Variants in CLASP2 observed in about 807,000 individuals in gnomAD.
CLASP2 encodes the protein cytoplasmic linker associated protein 2, also known as CLIP-associating protein 2.
CLASP2 carries 47 observed loss-of-function variants against 194.4 expected under a neutral mutation model. The ratio of observed to expected loss-of-function variants is 0.24; its 90% confidence interval spans 0.19 to 0.31. The LOEUF (loss-of-function observed/expected upper bound fraction) is 0.31. Ranked by LOEUF, CLASP2 falls within the 10% of genes least tolerant of loss-of-function variation. The pLI is 1.00. For missense variants in CLASP2, 1,445 were observed against 1,823.6 expected, an observed-to-expected ratio of 0.79 and a Z score of 3.78; for synonymous variants, 619 against 633.5, an observed-to-expected ratio of 0.98 and a Z score of 0.34.
chr3:33,646,454 G>A (rs1473747604), intron 7 of CLASP2, among the ~76,000 whole-genome samples: 1 of 152,038 alleles, frequency 6.6e-6, no homozygotes, highest in Non-Finnish European at 1.5e-5. Flanking sequence ...AACCTATGCA[G>A]TACATAGACG....
chr3:33,687,600 T>C (rs563325542), intron 4 of CLASP2, among the ~76,000 whole-genome samples: 3 of 152,332 alleles, frequency 2.0e-5, no homozygotes, highest in Admixed American at 6.5e-5. Context: ...AGTACACTTA[T>C]AGGCTCTAGA....
intron 18 of CLASP2, among the ~76,000 whole-genome samples, chr3:33,601,773 C>T (rs2072278138): frequency 6.6e-6 from 1 of 152,130 alleles, no homozygotes; most frequent in Non-Finnish European, 1.5e-5. Context: ...AACCATGTGT[C>T]TAAACACAAT....
intron 29 of CLASP2, among the ~76,000 whole-genome samples, chr3:33,554,370 C>G (rs1273050446): frequency 6.6e-6 from 1 of 152,006 alleles, no homozygotes; most frequent in South Asian, 2.1e-4. Context: ...GAAGATGAAC[C>G]TGGAGGACAA....
intron 37 of CLASP2, among the ~76,000 whole-genome samples, chr3:33,508,052 T>G (rs943368481): frequency 6.6e-6 from 1 of 151,824 alleles, no homozygotes; most frequent in Admixed American, 6.6e-5. Flanking sequence ...TGGAATGCAG[T>G]GGCATGATCA....
chr3:33,687,096 T>C lies in CLASP2; in HGVS notation c.510A>G (p.Pro170=), dbSNP rs143967899. Residue 170 remains proline (P), a synonymous_variant, in exon 5 of 39, where the codon CCA becomes CCG. Transcript: ENST00000682230. ...AGTCTCCAAACAGGATACACAAATG[T>C]GGTATCAATTTGCTGATGACTAGTG... ...AQPLVISKLI[P]HLCILFGDSN... 0.021 allele frequency: 33,708 copies of C among 1,602,464 alleles called. 459 individuals carry two copies. The highest frequency in any genetic ancestry group is 0.045 in the Admixed American group (2,675 of 58,916).
intron 6 of CLASP2, among the ~76,000 whole-genome samples, chr3:33,673,720 TAGGCTCAA>T (rs1210847591): frequency 3.9e-5 from 6 of 152,064 alleles, no homozygotes; most frequent in African/African-American, 1.4e-4. Flanking sequence ...CAGACACACA[TAGGCTCAA>T]AATAAAAGGA....
At chr3:33,542,916 G>A (rs2058601423) in intron 32 of CLASP2, among the ~76,000 whole-genome samples, 1 of 151,948 alleles carries the variant, frequency 6.6e-6, no homozygotes, top group Non-Finnish European at 1.5e-5. Flanking sequence ...AAGGCTGTCA[G>A]GTTTTCTTTC....
At position 33,577,304 on chromosome 3, in the gene CLASP2, A is replaced by C. The variant is rs2065111607; in HGVS notation, c.2348-1029T>G. The C allele has an allele frequency of 2.6e-6, 4 of 1,518,140 alleles. No individual in the cohort carries two copies. In the African/African-American group the frequency reaches 5.5e-5, roughly 21 times the overall value. The allele number at this position is 1,518,140 out of a possible 1,614,324, so 94.0% of individuals were successfully genotyped here. On this transcript the variant is annotated intron_variant, in intron 23 of 38. Coordinates refer to ENST00000682230, the MANE Select transcript of CLASP2 (RefSeq NM_001365631.1). ...CCATACAAACCTCATCTATTACCAC[A>C]GAAACAAGGAATAGTGGCAGCACTA...
chr3:33,592,349 T>C, intron 21 of CLASP2, 46 bp downstream of exon 21: 3 of 1,312,544 alleles, frequency 2.3e-6, no homozygotes, highest in Non-Finnish European at 3.3e-6. Flanking sequence ...AACACACTTA[T>C]CCTAACATAG....
chr3:33,648,614 C>G (rs891782621), intron 7 of CLASP2, among the ~76,000 whole-genome samples: 1 of 152,124 alleles, frequency 6.6e-6, no homozygotes, highest in African/African-American at 2.4e-5. Flanking sequence ...ATTCATAAAA[C>G]TAATTCATTA....
At chr3:33,576,308 A>C (rs2064872714) in intron 23 of CLASP2, 33 bp from the exon 24 acceptor site, 1 of 1,554,582 alleles carries the variant, frequency 6.4e-7, no homozygotes, top group African/African-American at 1.4e-5. Context: ...ATAGATTTGA[A>C]GGAGTCATAA....
chr3:33,605,354 G>A (rs1035281784), intron 16 of CLASP2, among the ~76,000 whole-genome samples: 8 of 152,120 alleles, frequency 5.3e-5, no homozygotes, highest in African/African-American at 1.9e-4. Flanking sequence ...AATTTAAATA[G>A]AAGTTTAAAC....
intron 29 of CLASP2, among the ~76,000 whole-genome samples, chr3:33,552,990 A>G (rs1047356621): frequency 6.6e-6 from 1 of 152,244 alleles, no homozygotes; most frequent in Non-Finnish European, 1.5e-5. Context: ...CAAGGATGCT[A>G]AACACATATT....
intron 34 of CLASP2, 81 bp downstream of exon 34, chr3:33,535,151 TA>T: frequency 1.1e-6 from 1 of 925,144 alleles, no homozygotes; most frequent in Non-Finnish European, 1.7e-6. Flanking sequence ...GGAGTTATAA[TA>T]AAAAAGCATA....
intron 6 of CLASP2, among the ~76,000 whole-genome samples, chr3:33,680,791 G>T (rs1210816178): frequency 6.7e-6 from 1 of 149,958 alleles, no homozygotes; most frequent in Non-Finnish European, 1.5e-5. Flanking sequence ...AGCCTGGGCA[G>T]GAGTAAGACC....
intron 9 of CLASP2, 51 bp from the exon 10 acceptor site, chr3:33,627,131 T>A: frequency 9.8e-7 from 1 of 1,021,036 alleles, no homozygotes; most frequent in Non-Finnish European, 1.5e-6. Context: ...ATGAACAATA[T>A]CAAAATTATG....
chr3:33,673,095 T>C (rs968157570), intron 6 of CLASP2, among the ~76,000 whole-genome samples: 3 of 152,076 alleles, frequency 2.0e-5, no homozygotes, highest in Non-Finnish European at 4.4e-5. Flanking sequence ...CAGAGAACGC[T>C]ACAAAGATAC....
intron 9 of CLASP2, chr3:33,627,287 C>A (rs2078228950): frequency 1.8e-6 from 1 of 546,670 alleles, no homozygotes; most frequent in Non-Finnish European, 3.3e-6. Flanking sequence ...TTTGCTATTT[C>A]TTCCCTCATG....
intron 17 of CLASP2, 47 bp downstream of exon 17, chr3:33,604,107 T>A: frequency 7.2e-7 from 1 of 1,387,778 alleles, no homozygotes; most frequent in Non-Finnish European, 9.9e-7. Flanking sequence ...AAGGCTACTG[T>A]TTCAAAGATA....
Sources: allele counts gnomAD v4.1 joint callset (sites outside exome capture counted in the v4.1 genomes callset), GRCh38; gene constraint gnomAD v4.1.1; transcripts MANE v1.5; gene names NCBI Gene and HGNC (gene_info 2026-07-23, HGNC 2026-07-21).